Variants in STAG1 observed in about 807,000 individuals in gnomAD.
STAG1 encodes the protein STAG1 cohesin complex component.
STAG1 carries 26 observed loss-of-function variants against 170.9 expected under a neutral mutation model. The observed-to-expected ratio is 0.15, with a 90% CI of 0.11 to 0.21. The LOEUF (loss-of-function observed/expected upper bound fraction) is 0.21. STAG1 is among the 10% of genes least tolerant of loss of function. STAG1 has a pLI of 1.00. For synonymous variants in STAG1, 514 were observed against 497.7 expected, an observed-to-expected ratio of 1.03 and a Z score of -0.44; for missense variants, 964 against 1,509.5, an observed-to-expected ratio of 0.64 and a Z score of 5.99.
intron 1 of STAG1, among the ~76,000 whole-genome samples, chr3:136,662,316 A>C (rs1363935646): frequency 6.6e-6 from 1 of 151,250 alleles, no homozygotes; most frequent in Non-Finnish European, 1.5e-5. Flanking sequence ...CATGCTCACC[A>C]AATTTTTGTA....
chr3:136,460,128 T>TA (rs1435698789), intron 13 of STAG1, among the ~76,000 whole-genome samples: 2 of 151,412 alleles, frequency 1.3e-5, no homozygotes, highest in African/African-American at 4.9e-5. Flanking sequence ...TTAGCTGAAC[T>TA]AAAAAAAAGA....
chr3:136,704,742 T>A (rs1308718114), intron 1 of STAG1, among the ~76,000 whole-genome samples: 1 of 141,398 alleles, frequency 7.1e-6, no homozygotes, highest in Middle Eastern at 3.9e-3. Context: ...GGTGAGAGAA[T>A]CGCTTGAGCC....
intron 9 of STAG1, among the ~76,000 whole-genome samples, chr3:136,496,187 A>G (rs958060021): frequency 6.6e-6 from 1 of 152,008 alleles, no homozygotes; most frequent in African/African-American, 2.4e-5. Context: ...AAAAACACAG[A>G]AAGTACTCCT....
At chr3:136,384,689 G>A (rs1190448325) in intron 22 of STAG1, among the ~76,000 whole-genome samples, 1 of 151,618 alleles carries the variant, frequency 6.6e-6, no homozygotes, top group African/African-American at 2.4e-5. Context: ...GATCACTTGA[G>A]CCTGGGAGGC....
At chr3:136,349,405 G>T in intron 28 of STAG1, 42 bp from the exon 29 acceptor site, 1 of 1,458,560 alleles carries the variant, frequency 6.9e-7, no homozygotes, top group Non-Finnish European at 9.6e-7. Context: ...CAGAGAAGCA[G>T]TTCATACATC....
At chr3:136,339,056 G>A (rs1576368460) in intron 32 of STAG1, among the ~76,000 whole-genome samples, 1 of 152,068 alleles carries the variant, frequency 6.6e-6, no homozygotes, top group Non-Finnish European at 1.5e-5. Flanking sequence ...AGGTAATTAA[G>A]GTAAAATGAG....
At chr3:136,655,532 G>T (rs527555520) in intron 1 of STAG1, among the ~76,000 whole-genome samples, 2 of 152,356 alleles carry the variant, frequency 1.3e-5, no homozygotes, top group East Asian at 3.9e-4. Flanking sequence ...GGAGGCCAAG[G>T]CAGGTGGATC....
intron 21 of STAG1, among the ~76,000 whole-genome samples, chr3:136,412,747 C>T (rs576061082): frequency 6.6e-4 from 100 of 152,000 alleles, no homozygotes; most frequent in African/African-American, 2.2e-3. Context: ...GGCTCAGAAA[C>T]AATTCCAGGT....
intron 7 of STAG1, among the ~76,000 whole-genome samples, chr3:136,509,017 G>C (rs1175122121): frequency 6.6e-6 from 1 of 152,234 alleles, no homozygotes; most frequent in Non-Finnish European, 1.5e-5. Context: ...AAAATAATGA[G>C]TTATCTAATA....
chr3:136,394,780 C>T (rs2087104184), intron 22 of STAG1, among the ~76,000 whole-genome samples: 1 of 151,660 alleles, frequency 6.6e-6, no homozygotes, highest in African/African-American at 2.4e-5. Flanking sequence ...CGGTGAAACC[C>T]CGTCTCTACT....
At chr3:136,720,155 A>C (rs1462948399) in intron 1 of STAG1, among the ~76,000 whole-genome samples, 1 of 151,104 alleles carries the variant, frequency 6.6e-6, no homozygotes, top group Non-Finnish European at 1.5e-5. Context: ...CAGCCTGGGC[A>C]ACAAGAGCGA....
chr3:136,600,381 T>C (rs1938610022), intron 4 of STAG1, among the ~76,000 whole-genome samples: 1 of 152,210 alleles, frequency 6.6e-6, no homozygotes, highest in Non-Finnish European at 1.5e-5. Flanking sequence ...TGAAGCACTT[T>C]AACACTCAAC....
In STAG1 at chr3:136,518,475, A is replaced by C. The variant is rs1051398962; in HGVS notation, c.676+2738T>G. The C allele has an allele frequency of 5.7e-5, 39 of 679,416 alleles. No individual in the cohort carries two copies. In the African/African-American group the frequency reaches 6.1e-4, roughly 11 times the overall value. 42.1% of individuals were successfully genotyped at this position (679,416 alleles called of 1,614,324 possible). ...TATTCCTCGTACATATACCATTAAA[A>C]ATAAGAAGAGGGCAAAGATGAGAAC... On this transcript the variant is annotated intron_variant, in intron 7 of 33. Coordinates refer to ENST00000383202, the MANE Select transcript of STAG1 (RefSeq NM_005862.3).
At chr3:136,557,414 T>C (rs78970728) in intron 5 of STAG1, among the ~76,000 whole-genome samples, 3,243 of 152,294 alleles carry the variant, frequency 0.021, 57 homozygotes, top group Non-Finnish European at 0.029. Flanking sequence ...CTAGATGACG[T>C]AAAAACCTAA....
chr3:136,338,314 T>C (rs1420352985), intron 33 of STAG1, 37 bp from the exon 34 acceptor site: 1 of 1,588,126 alleles, frequency 6.3e-7, no homozygotes, highest in Non-Finnish European at 8.6e-7. Flanking sequence ...ATTAATTTCA[T>C]GCATAAACAG....
intron 22 of STAG1, among the ~76,000 whole-genome samples, chr3:136,387,117 A>AAGTT (rs1427152936): frequency 1.3e-5 from 2 of 152,256 alleles, no homozygotes; most frequent in Admixed American, 1.3e-4. Flanking sequence ...CAAGGCAAAG[A>AAGTT]AGTTAACTTA....
intron 6 of STAG1, among the ~76,000 whole-genome samples, chr3:136,525,875 G>C (rs1258179663): frequency 6.6e-6 from 1 of 152,156 alleles, no homozygotes; most frequent in African/African-American, 2.4e-5. Flanking sequence ...TTCAGGAGCA[G>C]GTTGTTTAGT....
At chr3:136,347,826 C>T (rs1002265084) in intron 29 of STAG1, among the ~76,000 whole-genome samples, 2 of 152,110 alleles carry the variant, frequency 1.3e-5, no homozygotes, top group South Asian at 2.1e-4. Context: ...CTAATATTCA[C>T]GGGAACTGAC....
At chr3:136,728,711 A>G (rs1933829208) in intron 1 of STAG1, among the ~76,000 whole-genome samples, 1 of 152,192 alleles carries the variant, frequency 6.6e-6, no homozygotes, top group Non-Finnish European at 1.5e-5. Flanking sequence ...ACCACACTGG[A>G]TAGCACAAAC....
Sources: gnomAD v4.1 joint callset for allele counts (sites outside exome capture counted in the v4.1 genomes callset) on GRCh38, gnomAD v4.1.1 for gene constraint, MANE v1.5 for transcripts, NCBI Gene and HGNC (gene_info 2026-07-23, HGNC 2026-07-21) for gene names.